The following SNED1 variants were observed in gnomAD, a reference collection of about 807,000 sequenced individuals.
The protein encoded by SNED1 is sushi, nidogen and EGF-like domain-containing protein 1.
Under a neutral mutation model 166.7 loss-of-function variants are expected in SNED1, and 81 were observed. The observed-to-expected ratio is 0.49, with a 90% CI of 0.41 to 0.58. The LOEUF is 0.58. Among genes scored for constraint, SNED1 ranks in the 20% least tolerant of loss-of-function variants. The probability of loss-of-function intolerance (pLI) is 0.00; values close to 1 mark genes in which losing one functional copy is unlikely to be tolerated. For missense variants in SNED1, 1,604 were observed against 2,000.2 expected (o/e 0.80, Z 3.78); for synonymous variants, 762 against 822.0 (o/e 0.93, Z 1.25).
chr2:241,077,843 G>C (rs142394979), intron 27 of SNED1, among the ~76,000 whole-genome samples: 2 of 152,310 alleles, frequency 1.3e-5, no homozygotes, highest in South Asian at 4.1e-4. Context: ...TGGTGAGGAC[G>C]TGGAGAGATC....
At chr2:241,045,227 C>G (rs537411548) in intron 8 of SNED1, among the ~76,000 whole-genome samples, 1 of 152,170 alleles carries the variant, frequency 6.6e-6, no homozygotes, top group African/African-American at 2.4e-5. Context: ...TGGCAGTGCT[C>G]TCTAAATTGA....
intron 16 of SNED1, among the ~76,000 whole-genome samples, chr2:241,062,580 G>T (rs935331463): frequency 1.3e-5 from 2 of 152,118 alleles, no homozygotes; most frequent in Non-Finnish European, 2.9e-5. Flanking sequence ...TTTCAAGCCC[G>T]CCCTGCTGCT....
intron 18 of SNED1, 91 bp downstream of exon 18, chr2:241,063,791 G>A: frequency 9.8e-7 from 1 of 1,024,196 alleles, no homozygotes; most frequent in South Asian, 1.5e-5. Context: ...TCCCTGCTGG[G>A]CAGGCCACCT....
In SNED1 at chr2:241,032,651, TAAA is replaced by T. The variant is rs200850856; in HGVS notation, c.502-1079_502-1077del. Among the ~76,000 whole-genome samples the T allele has an allele frequency of 5.0e-3, 755 of 152,194 alleles. 6 individuals carry two copies. Among genetic ancestry groups the T allele is most frequent in the African/African-American group, 0.018 (730 of 41,532 alleles). On this transcript the variant is annotated intron_variant, in intron 2 of 31. Coordinates refer to ENST00000310397, the MANE Select transcript of SNED1 (RefSeq NM_001080437.3). ...AAGTATAATAAAAAATAAAAAATAA[TAAA>T]AAAAGTGCTGGTTTCCTTGCACCCC...
chr2:241,001,412 G>A (rs553417179), intron 1 of SNED1, among the ~76,000 whole-genome samples: 8 of 152,240 alleles, frequency 5.3e-5, no homozygotes, highest in Non-Finnish European at 8.8e-5. Context: ...CTTTCCAGAA[G>A]GGACCCATTG....
chr2:241,080,668 A>G (rs1321276722), intron 27 of SNED1, among the ~76,000 whole-genome samples: 1 of 152,272 alleles, frequency 6.6e-6, no homozygotes, highest in Non-Finnish European at 1.5e-5. Context: ...GAGCATCAGG[A>G]AAACAACTGA....
In SNED1 at chr2:241,073,491, C is replaced by G; in HGVS notation, c.3916+127C>G. The stretch of plus-strand genomic sequence containing the variant: ...GGCACAGAGCCTACCTGAGGGGAGG[C>G]TGAGCACCAGGCACCCCGGTGTGGG... On this transcript the variant is annotated intron_variant, in intron 27 of 31. Coordinates refer to ENST00000310397, the MANE Select transcript of SNED1 (RefSeq NM_001080437.3). The surrounding 1 kb of genome is among the most constrained non-coding windows in gnomAD (Gnocchi z 6.6). 2.5e-6 allele frequency: 2 copies of G among 786,822 alleles called. No individual in the cohort carries two copies. Among genetic ancestry groups the G allele is most frequent in the South Asian group, 3.0e-5 (2 of 65,738 alleles). The allele number at this position is 786,822 out of a possible 1,614,324, so 48.7% of individuals were successfully genotyped here.
chr2:241,017,202 T>G (rs765783959), intron 1 of SNED1, among the ~76,000 whole-genome samples: 33 of 152,212 alleles, frequency 2.2e-4, no homozygotes, highest in Non-Finnish European at 4.9e-4. Context: ...GTCAGGATTG[T>G]ACCCTTCTTA....
rs539403335 is a variant in SNED1 at position 241,032,511 on chromosome 2, G to A, written c.502-1224G>A. ...GGGTGGGGGGGTCGGGGGAGGGATA[G>A]CATTAGGAGACACACCTAATGTAAA... is the stretch of plus-strand genomic sequence containing the variant. On this transcript the variant is annotated intron_variant, in intron 2 of 31. Coordinates refer to ENST00000310397, the MANE Select transcript of SNED1 (RefSeq NM_001080437.3). Among the ~76,000 whole-genome samples the A allele has an allele frequency of 9.9e-5, 15 of 151,966 alleles. No homozygotes were observed. The East Asian group carries it at 1.4e-3, about 14-fold the overall frequency.
At chr2:241,065,191 C>A in intron 20 of SNED1, 108 bp from the exon 21 acceptor site, 1 of 1,156,022 alleles carries the variant, frequency 8.7e-7, no homozygotes. Flanking sequence ...CCAGCGATGG[C>A]TGTGTCAGGC....
chr2:241,049,736 A>G, intron 11 of SNED1, 81 bp from the exon 12 acceptor site: 1 of 1,010,518 alleles, frequency 9.9e-7, no homozygotes, highest in Admixed American at 1.8e-5. Context: ...TAACCCTGGC[A>G]GGCAAGGTGC....
chr2:241,068,550 T>C lies in SNED1; in HGVS notation c.3195-361T>C, dbSNP rs984457518. On this transcript the variant is annotated intron_variant, in intron 22 of 31. Transcript: ENST00000310397. The surrounding 1 kb of genome is among the most constrained non-coding windows in gnomAD (Gnocchi z 5.3). ...GTGGCATTGGCCTCACGTTGTCCTG[T>C]GGTTTCCTGAGAATTTACATCAACT... Among the ~76,000 whole-genome samples the C allele has an allele frequency of 7.9e-5, 12 of 152,104 alleles. No individual in the cohort carries two copies. The highest frequency in any genetic ancestry group is 1.8e-4 in the Non-Finnish European group (12 of 68,002).
chr2:241,020,027 C>T (rs1423456290), intron 1 of SNED1, among the ~76,000 whole-genome samples: 1 of 152,146 alleles, frequency 6.6e-6, no homozygotes, highest in Non-Finnish European at 1.5e-5. Flanking sequence ...GATGGATGGC[C>T]ACATCTGACC....
rs995190179 is a variant in SNED1, at chr2:241,093,588, C to G, written c.*1952C>G. 6.8e-6 allele frequency: 1 copy of G among 147,504 alleles called. No individual in the cohort carries two copies. Among genetic ancestry groups the G allele is most frequent in the African/African-American group, 2.6e-5 (1 of 39,070 alleles). 9.1% of individuals were successfully genotyped at this position (147,504 alleles called of 1,614,324 possible). ...TGGCTCCTGAGTCCCAAGCTTGGTGCCACACAGCAAATGCTAATATGCTCC... is the reference window on the plus strand; with the variant it reads ...TGGCTCCTGAGTCCCAAGCTTGGTGGCACACAGCAAATGCTAATATGCTCC... On this transcript the variant is annotated 3_prime_UTR_variant, in exon 32 of 32. Coordinates refer to ENST00000310397, the MANE Select transcript of SNED1 (RefSeq NM_001080437.3).
chr2:240,998,074 G>A (rs952218190), upstream of SNED1, among the ~76,000 whole-genome samples: 1 of 152,232 alleles, frequency 6.6e-6, no homozygotes, highest in African/African-American at 2.4e-5. Context: ...CCGAGGTCCC[G>A]AGCCTCCCAG....
At position 241,069,951 on chromosome 2, in the gene SNED1, C is replaced by T; in HGVS notation, c.3339C>T (p.Ala1113=). 1 of 1,612,916 alleles carries T rather than the reference C, an allele frequency of 6.2e-7. No individual in the cohort carries two copies. Among genetic ancestry groups the T allele is most frequent in the Non-Finnish European group, 8.5e-7 (1 of 1,179,850 alleles). ...TGCCTCCAGCAAACCTGACCGCCGC[C>T]CGAGTCACTGCCACCTCTGCCCACG... ...RPLPPANLTA[A]RVTATSAHVV... Residue 1113 remains alanine, a synonymous_variant, in exon 24 of 32, where the codon GCC becomes GCT. Transcript: ENST00000310397. The surrounding 1 kb of genome is among the most constrained non-coding windows in gnomAD (Gnocchi z 4.9).
intron 1 of SNED1, among the ~76,000 whole-genome samples, chr2:241,015,195 A>G (rs922364559): frequency 2.0e-5 from 3 of 152,242 alleles, no homozygotes; most frequent in Non-Finnish European, 2.9e-5. Flanking sequence ...ATACAGATCA[A>G]TGTGAGGAAA....
At chr2:241,030,777 C>T (rs746059832) in intron 2 of SNED1, among the ~76,000 whole-genome samples, 64 of 152,316 alleles carry the variant, frequency 4.2e-4, no homozygotes, top group Admixed American at 1.1e-3. Flanking sequence ...CCACTTGCCT[C>T]CAGGAAACAC....
rs78018785 is a variant in SNED1 at position 241,051,728 on chromosome 2, C to T, written c.1736-16C>T. ...AGCCTGGCCCCGTTCATCTGCCTCT[C>T]TGTCCTTCCACACAGCCCGGCCACA... On this transcript the variant is annotated splice_polypyrimidine_tract_variant and intron_variant, in intron 12 of 31. Coordinates refer to ENST00000310397, the MANE Select transcript of SNED1 (RefSeq NM_001080437.3). The surrounding 1 kb of genome is among the most constrained non-coding windows in gnomAD (Gnocchi z 4.7). 1.1e-3 allele frequency: 1,567 copies of T among 1,466,698 alleles called. 24 individuals carry two copies. In the East Asian group the frequency reaches 0.036, roughly 33 times the overall value. The allele number at this position is 1,466,698 out of a possible 1,614,324, so 90.9% of individuals were successfully genotyped here. A position where few individuals can be genotyped will look rare whatever the true frequency, so the allele number is the denominator to read the frequency against.
Sources: gnomAD v4.1 joint callset for allele counts (sites outside exome capture counted in the v4.1 genomes callset) on GRCh38, gnomAD v4.1.1 for gene constraint, Gnocchi (gnomAD v3.1) non-coding constraint, MANE v1.5 for transcripts, NCBI Gene and HGNC (gene_info 2026-07-23, HGNC 2026-07-21) for gene names.